The following JAM2 variants were observed in gnomAD, a reference collection of about 807,000 sequenced individuals.
JAM2 encodes junctional adhesion molecule 2.
In JAM2, 17 loss-of-function variants were observed where a neutral mutation model predicts 42.0. The observed-to-expected ratio is 0.40, with a 90% CI of 0.28 to 0.61. The LOEUF (loss-of-function observed/expected upper bound fraction) is 0.61. Ranked by LOEUF, JAM2 falls within the 20% of genes least tolerant of loss-of-function variation. The pLI is 0.37. For synonymous variants in JAM2, 118 were observed against 128.6 expected, an observed-to-expected ratio of 0.92 and a Z score of 0.56; for missense variants, 319 against 358.3, an observed-to-expected ratio of 0.89 and a Z score of 0.89.
At chr21:25,645,888 G>A (rs2032595561) in intron 1 of JAM2, among the ~76,000 whole-genome samples, 1 of 152,172 alleles carries the variant, frequency 6.6e-6, no homozygotes, top group Admixed American at 6.5e-5. Context: ...TCTAAACATG[G>A]AAAAGGTACA....
chr21:25,649,859 C>T (rs1339895832), intron 1 of JAM2, among the ~76,000 whole-genome samples: 2 of 152,198 alleles, frequency 1.3e-5, no homozygotes, highest in Non-Finnish European at 2.9e-5. Context: ...GGGCAGCTAC[C>T]TCTGGCAAGG....
rs563607837 is a variant in JAM2, at chr21:25,671,570, A to G, written c.68-12313A>G. 6.6e-5 allele frequency among the ~76,000 whole-genome samples: 10 copies of G among 152,188 alleles called. 1 individual carries two copies. The South Asian group carries it at 2.1e-3, about 32-fold the overall frequency. On this transcript the variant is annotated intron_variant, in intron 1 of 9. Transcript: ENST00000480456. The stretch of plus-strand genomic sequence containing the variant: ...ACCCAGGCTGGAGTGCAGTGGCACA[A>G]TCTCAGCCCACTGCAACCTCCACCT...
At position 25,712,306 on chromosome 21, in the gene JAM2, G is replaced by T. The variant is rs371931529; in HGVS notation, c.822-34G>T. The T allele has an allele frequency of 4.3e-6, 6 of 1,407,948 alleles. No homozygotes were observed. The African/African-American group carries it at 7.1e-5, about 17-fold the overall frequency. 87.2% of individuals were successfully genotyped at this position (1,407,948 alleles called of 1,614,324 possible). On this transcript the variant is annotated intron_variant, in intron 8 of 9. Coordinates refer to ENST00000480456, the MANE Select transcript of JAM2 (RefSeq NM_021219.4). Reference sequence around the variant, plus strand: ...TATGTTCCAGATTGGAAGTGATAATGTAGTAAATATTGTCTTTTATATTCC... The same window carrying T: ...TATGTTCCAGATTGGAAGTGATAATTTAGTAAATATTGTCTTTTATATTCC...
intron 4 of JAM2, among the ~76,000 whole-genome samples, chr21:25,696,975 C>T (rs1402076757): frequency 6.6e-6 from 1 of 151,210 alleles, no homozygotes; most frequent in Non-Finnish European, 1.5e-5. Flanking sequence ...ATCTCAGCCT[C>T]CCATCTCAGC....
At chr21:25,708,227 C>T (rs2034310700) in intron 7 of JAM2, among the ~76,000 whole-genome samples, 1 of 152,190 alleles carries the variant, frequency 6.6e-6, no homozygotes. Context: ...GGTATTATGT[C>T]TCATAAAATG....
At chr21:25,651,059 G>T (rs373002555) in intron 1 of JAM2, among the ~76,000 whole-genome samples, 1 of 19,404 alleles carries the variant, frequency 5.2e-5, no homozygotes, top group Admixed American at 6.9e-4. Context: ...ACCTCCCCCC[G>T]CCAAAAAAAA....
At chr21:25,700,681 G>A (rs1448201368) in intron 5 of JAM2, among the ~76,000 whole-genome samples, 2 of 152,176 alleles carry the variant, frequency 1.3e-5, no homozygotes, top group African/African-American at 4.8e-5. Flanking sequence ...ATTTTGAAAG[G>A]AGGATATAAT....
intron 3 of JAM2, among the ~76,000 whole-genome samples, 183 bp downstream of exon 3, chr21:25,690,156 A>C (rs1301092814): frequency 6.6e-6 from 1 of 152,230 alleles, no homozygotes; most frequent in Non-Finnish European, 1.5e-5. Flanking sequence ...GAACAGAGGG[A>C]GGTGAAGCCC....
At chr21:25,658,810 C>A (rs565084925) in intron 1 of JAM2, among the ~76,000 whole-genome samples, 1 of 152,242 alleles carries the variant, frequency 6.6e-6, no homozygotes, top group Non-Finnish European at 1.5e-5. Context: ...ACTGTGAGAC[C>A]CACAGGACTA....
chr21:25,700,801 G>A (rs942821024), intron 5 of JAM2, among the ~76,000 whole-genome samples: 9 of 152,242 alleles, frequency 5.9e-5, no homozygotes, highest in African/African-American at 2.2e-4. Flanking sequence ...ATTGGATGCA[G>A]TTACTTCTTA....
intron 1 of JAM2, among the ~76,000 whole-genome samples, chr21:25,665,246 T>C (rs773075020): frequency 3.3e-5 from 5 of 152,206 alleles, no homozygotes; most frequent in African/African-American, 1.2e-4. Context: ...GTCCTTGACA[T>C]GCCTCTGAAG....
At chr21:25,670,764 G>T (rs1194391013) in intron 1 of JAM2, among the ~76,000 whole-genome samples, 1 of 152,210 alleles carries the variant, frequency 6.6e-6, no homozygotes, top group Non-Finnish European at 1.5e-5. Context: ...CAGGACCCAA[G>T]AAATCAGGGT....
intron 1 of JAM2, among the ~76,000 whole-genome samples, chr21:25,649,799 A>C (rs1259849076): frequency 6.6e-6 from 1 of 152,206 alleles, no homozygotes; most frequent in Non-Finnish European, 1.5e-5. Flanking sequence ...ATTTATAAAC[A>C]AAAGAGGTTT....
chr21:25,648,133 C>T (rs112790010), intron 1 of JAM2, among the ~76,000 whole-genome samples: 2 of 152,150 alleles, frequency 1.3e-5, no homozygotes, highest in African/African-American at 2.4e-5. Context: ...ATCACTTGAA[C>T]GTGGGAGGCG....
intron 6 of JAM2, among the ~76,000 whole-genome samples, chr21:25,705,674 T>C (rs1405050754): frequency 6.6e-6 from 1 of 152,258 alleles, no homozygotes; most frequent in African/African-American, 2.4e-5. Context: ...CAAAGATTGC[T>C]TCCAGTCTTT....
chr21:25,702,215 G>GGGGGT lies in JAM2; in HGVS notation c.643_644insGGGGT (p.Glu215GlyfsTer20), dbSNP rs2034180443. 6.3e-7 allele frequency: 1 copy of GGGGGT among 1,598,770 alleles called. No homozygotes were observed. The highest frequency in any genetic ancestry group is 1.3e-5 in the African/African-American group (1 of 74,790). On this transcript the variant is annotated frameshift_variant, in exon 6 of 10. Coordinates refer to ENST00000480456, the MANE Select transcript of JAM2 (RefSeq NM_021219.4). LOFTEE classifies it high-confidence loss of function. ...ACTGGACACTGGAGAATATTCCTGT[G>GGGGGT]AAGCCCGCAATTCTGTTGGATATCG...
chr21:25,655,078 TGTTATA>T (rs960403599), intron 1 of JAM2, among the ~76,000 whole-genome samples: 8 of 152,216 alleles, frequency 5.3e-5, no homozygotes, highest in South Asian at 2.1e-4. Flanking sequence ...GTTCAAATGG[TGTTATA>T]GTTATATGTC....
intron 4 of JAM2, among the ~76,000 whole-genome samples, chr21:25,695,469 C>G (rs1327631257): frequency 6.6e-6 from 1 of 152,228 alleles, no homozygotes; most frequent in Non-Finnish European, 1.5e-5. Context: ...TCATCATGGC[C>G]CGTTCTCAAT....
At position 25,717,388 on chromosome 21, in the gene JAM2, A is replaced by C; in HGVS notation, c.*2716A>C. The C allele has an allele frequency of 3.6e-6, 1 of 276,728 alleles. No homozygotes were observed. The highest frequency in any genetic ancestry group is 6.7e-6 in the Non-Finnish European group (1 of 150,290). The allele number at this position is 276,728 out of a possible 1,614,324, so 17.1% of individuals were successfully genotyped here. The stretch of plus-strand genomic sequence containing the variant: ...AAGATTAGGGCTTTAAAATCTTATT[A>C]GCAAGCTTTGTTTTGTTTTAATTAT... On this transcript the variant is annotated 3_prime_UTR_variant, in exon 10 of 10. Transcript: ENST00000480456.
Sources: gnomAD v4.1 joint callset for allele counts (sites outside exome capture counted in the v4.1 genomes callset) on GRCh38, gnomAD v4.1.1 for gene constraint, MANE v1.5 for transcripts, NCBI Gene and HGNC (gene_info 2026-07-23, HGNC 2026-07-21) for gene names.